The following ACVR2B variants were observed in gnomAD, a reference collection of about 807,000 sequenced individuals.
ACVR2B encodes the protein activin A receptor type 2B.
A neutral mutation model predicts 65.1 loss-of-function variants in ACVR2B; 18 were observed. That is an observed-to-expected ratio of 0.28 (90% CI 0.19 to 0.41). The LOEUF (loss-of-function observed/expected upper bound fraction) is 0.41, where lower values mean the gene tolerates loss of function less well. ACVR2B is among the 10% of genes least tolerant of loss of function. ACVR2B has a pLI of 1.00. For missense variants in ACVR2B, 482 were observed against 682.7 expected (o/e 0.71, Z 3.28); for synonymous variants, 298 against 277.7 (o/e 1.07, Z -0.73).
chr3:38,466,978 AAATGCTTGGCAAC>A (rs1305656489), intron 1 of ACVR2B, among the ~76,000 whole-genome samples: 1 of 152,224 alleles, frequency 6.6e-6, no homozygotes, highest in Non-Finnish European at 1.5e-5. Context: ...CCACAAAAGA[AAATGCTTGGCAAC>A]AATGCTATCT....
At chr3:38,464,776 G>T (rs796161450) in intron 1 of ACVR2B, among the ~76,000 whole-genome samples, 1 of 152,208 alleles carries the variant, frequency 6.6e-6, no homozygotes, top group Admixed American at 6.5e-5. Flanking sequence ...ATTCTGGGCT[G>T]CTGGGTTTGG....
intron 1 of ACVR2B, chr3:38,459,729 A>G (rs1709609859): frequency 2.1e-6 from 2 of 956,248 alleles, no homozygotes; most frequent in South Asian, 9.7e-5. Flanking sequence ...TGGTGGCCAG[A>G]TGGGAATCTG....
At chr3:38,454,505 C>A in intron 1 of ACVR2B, 131 bp downstream of exon 1, 1 of 848,726 alleles carries the variant, frequency 1.2e-6, no homozygotes, top group Non-Finnish European at 1.5e-6. Flanking sequence ...GCCCTCACCT[C>A]CGGGGGCGTG....
chr3:38,454,274 G>C lies in ACVR2B; in HGVS notation c.-49G>C. 8.2e-7 allele frequency: 1 copy of C among 1,218,910 alleles called. No individual in the cohort carries two copies. The highest frequency in any genetic ancestry group is 1.0e-6 in the Non-Finnish European group (1 of 980,338). The allele number at this position is 1,218,910 out of a possible 1,614,324, so 75.5% of individuals were successfully genotyped here. On this transcript the variant is annotated 5_prime_UTR_variant, in exon 1 of 11. Coordinates refer to ENST00000352511, the MANE Select transcript of ACVR2B (RefSeq NM_001106.4). ...GCCCTGCGCGCCCCGGGAGCGCCGTGCGGCCCTGCCCGCGGGCTCCGGGTG... is the reference window on the plus strand; with the variant it reads ...GCCCTGCGCGCCCCGGGAGCGCCGTCCGGCCCTGCCCGCGGGCTCCGGGTG...
chr3:38,459,481 C>A, intron 1 of ACVR2B: 1 of 546,848 alleles, frequency 1.8e-6, no homozygotes, highest in Non-Finnish European at 2.3e-6. Context: ...TCTCTGCCTG[C>A]CCAGCAGCCC....
At position 38,492,040 on chromosome 3, in the gene ACVR2B, T is replaced by TA. The variant is rs1292182144; in HGVS notation, c.*8709dup. The TA allele has an allele frequency of 6.6e-6, 1 of 152,252 alleles. No homozygotes were observed. Among genetic ancestry groups the TA allele is most frequent in the Non-Finnish European group, 1.5e-5 (1 of 68,040 alleles). The allele number at this position is 152,252 out of a possible 1,614,324, so 9.4% of individuals were successfully genotyped here. A position where few individuals can be genotyped will look rare whatever the true frequency, so the allele number is the denominator to read the frequency against. On this transcript the variant is annotated 3_prime_UTR_variant, in exon 11 of 11. Transcript: ENST00000352511. Reference sequence around the variant, plus strand: ...TTTATACAGTACTGTAAATTTAACTTACATCGAGTTTGTTGTCAATTCTTA... The same window carrying TA: ...TTTATACAGTACTGTAAATTTAACTTAACATCGAGTTTGTTGTCAATTCTTA...
In ACVR2B at chr3:38,491,377, G is replaced by A. The variant is rs1342513382; in HGVS notation, c.*8045G>A. The A allele has an allele frequency of 6.6e-6, 1 of 152,654 alleles. No individual in the cohort carries two copies. The highest frequency in any genetic ancestry group is 1.9e-4 in the East Asian group (1 of 5,200). 9.5% of individuals were successfully genotyped at this position (152,654 alleles called of 1,614,324 possible). ...CTGTTCCGCAGACCATGGGACACAA[G>A]GTCAGTGTGTTCCCAGTGAGGGTCC... On this transcript the variant is annotated 3_prime_UTR_variant, in exon 11 of 11. Coordinates refer to ENST00000352511, the MANE Select transcript of ACVR2B (RefSeq NM_001106.4).
intron 1 of ACVR2B, chr3:38,473,897 T>G (rs1227629149): frequency 6.6e-6 from 1 of 152,372 alleles, no homozygotes; most frequent in Non-Finnish European, 1.5e-5. Flanking sequence ...TGACATCTTT[T>G]TGAAATGGAG....
Position 38,491,178 on chromosome 3 carries a change from T to C in ACVR2B, c.*7846T>C, listed in dbSNP as rs190685019. ...CATTTTGATGTATTTTAAATAAATA[T>C]ATATATTTTTTAAAGAGCCTTTTTT... On this transcript the variant is annotated 3_prime_UTR_variant, in exon 11 of 11. Coordinates refer to ENST00000352511, the MANE Select transcript of ACVR2B (RefSeq NM_001106.4). 1 of 152,250 alleles carries C rather than the reference T, an allele frequency of 6.6e-6. No homozygotes were observed. The highest frequency in any genetic ancestry group is 1.5e-5 in the Non-Finnish European group (1 of 68,032). 9.4% of individuals were successfully genotyped at this position (152,250 alleles called of 1,614,324 possible).
At chr3:38,479,098 G>T (rs1466580604) in intron 5 of ACVR2B, 30 bp from the exon 6 acceptor site, 17 of 1,613,546 alleles carry the variant, frequency 1.1e-5, no homozygotes, top group Non-Finnish European at 1.3e-5. Flanking sequence ...CCAGCCACTT[G>T]TCCCCCCAAC....
intron 1 of ACVR2B, among the ~76,000 whole-genome samples, chr3:38,472,090 ATG>A (rs1262896896): frequency 6.6e-6 from 1 of 152,240 alleles, no homozygotes; most frequent in East Asian, 1.9e-4. Flanking sequence ...ACGTGTGTGC[ATG>A]TGTCAGTGTC....
chr3:38,488,052 G>T lies in ACVR2B; in HGVS notation c.*4720G>T, dbSNP rs918128671. On this transcript the variant is annotated 3_prime_UTR_variant, in exon 11 of 11. Transcript: ENST00000352511. ...TGGGCGAACAGCCAAAAAGAGAAGGGGACAAGGTGTCTTTTTCTCCTTCTC... is the reference window on the plus strand; with the variant it reads ...TGGGCGAACAGCCAAAAAGAGAAGGTGACAAGGTGTCTTTTTCTCCTTCTC... The T allele has an allele frequency of 1.3e-5, 2 of 152,140 alleles. No homozygotes were observed. The highest frequency in any genetic ancestry group is 1.5e-5 in the Non-Finnish European group (1 of 68,032). The allele number at this position is 152,140 out of a possible 1,614,324, so 9.4% of individuals were successfully genotyped here.
chr3:38,482,147 T>C lies in ACVR2B; in HGVS notation c.1075-51T>C, dbSNP rs376817774. On this transcript the variant is annotated intron_variant, in intron 8 of 10. Coordinates refer to ENST00000352511, the MANE Select transcript of ACVR2B (RefSeq NM_001106.4). ...GGCTGTAACTCCCATGTCCCAGCTG[T>C]GTGTGTATGGCCAGTCACTGTAAAT... 113 of 1,613,162 alleles carry C rather than the reference T, an allele frequency of 7.0e-5. 1 individual carries two copies. Among genetic ancestry groups the C allele is most frequent in the Middle Eastern group, 4.9e-4 (3 of 6,078 alleles).
chr3:38,463,041 AT>A, intron 1 of ACVR2B, among the ~76,000 whole-genome samples: 1 of 152,116 alleles, frequency 6.6e-6, no homozygotes, highest in East Asian at 1.9e-4. Flanking sequence ...GTGCGCGGAC[AT>A]GGGAAGGGCT....
At chr3:38,478,660 T>C (rs981847702) in intron 5 of ACVR2B, 142 bp downstream of exon 5, 1 of 1,173,174 alleles carries the variant, frequency 8.5e-7, no homozygotes, top group Non-Finnish European at 1.2e-6. Context: ...TAGTTACTCA[T>C]GTTACACTTG....
Position 38,477,067 on chromosome 3 carries a change from G to A in ACVR2B, c.53-220G>A. 1 of 605,168 alleles carries A rather than the reference G, an allele frequency of 1.7e-6. No individual in the cohort carries two copies. Among genetic ancestry groups the A allele is most frequent in the South Asian group, 2.0e-5 (1 of 50,746 alleles). 37.5% of individuals were successfully genotyped at this position (605,168 alleles called of 1,614,324 possible). ...GGCCTAGGGGCAGCTGTGATGGGCT[G>A]CAGAATGAGGTGGGGGCTGGTGCCA... On this transcript the variant is annotated intron_variant, in intron 1 of 10. Transcript: ENST00000352511. The surrounding 1 kb of genome is among the most constrained non-coding windows in gnomAD (Gnocchi z 6.7).
In ACVR2B at chr3:38,477,471, A is replaced by G; in HGVS notation, c.237A>G (p.Leu79=). The change falls in exon 2 of 11, where the codon CTA becomes CTG. Residue 79 remains leucine, a synonymous_variant. Transcript: ENST00000352511. This position sits in a 1 kb window ranked among gnomAD's most constrained non-coding sequence, Gnocchi z 6.7. ...TIELVKKGCW[L]DDFNCYDRQE... ...AGCTCGTGAAGAAGGGCTGCTGGCTAGATGACTTCAACTGCTACGATAGGT... is the reference window on the plus strand; with the variant it reads ...AGCTCGTGAAGAAGGGCTGCTGGCTGGATGACTTCAACTGCTACGATAGGT... The G allele has an allele frequency of 6.2e-7, 1 of 1,614,138 alleles. No homozygotes were observed. Among genetic ancestry groups the G allele is most frequent in the Non-Finnish European group, 8.5e-7 (1 of 1,179,988 alleles).
At position 38,488,030 on chromosome 3, in the gene ACVR2B, G is replaced by T. The variant is rs977098158; in HGVS notation, c.*4698G>T. On this transcript the variant is annotated 3_prime_UTR_variant, in exon 11 of 11. Transcript: ENST00000352511. ...TCTAGTCATCTACCCTTCATCCTGG[G>T]CGAACAGCCAAAAAGAGAAGGGGAC... is the stretch of plus-strand genomic sequence containing the variant. 17 of 152,126 alleles carry T rather than the reference G, an allele frequency of 1.1e-4. No individual in the cohort carries two copies. Among genetic ancestry groups the T allele is most frequent in the African/African-American group, 4.1e-4 (17 of 41,410 alleles). The allele number at this position is 152,126 out of a possible 1,614,324, so 9.4% of individuals were successfully genotyped here. A position where few individuals can be genotyped will look rare whatever the true frequency, so the allele number is the denominator to read the frequency against.
chr3:38,459,591 G>T (rs1244228206), intron 1 of ACVR2B: 1 of 985,348 alleles, frequency 1.0e-6, no homozygotes, highest in African/African-American at 1.7e-5. Flanking sequence ...CTTCCCCTGA[G>T]TGGACCTGCC....
Sources: allele counts gnomAD v4.1 joint callset (sites outside exome capture counted in the v4.1 genomes callset), GRCh38; gene constraint gnomAD v4.1.1; non-coding constraint Gnocchi (gnomAD v3.1); transcripts MANE v1.5; gene names NCBI Gene and HGNC (gene_info 2026-07-23, HGNC 2026-07-21).